Variants in DLC1 observed in about 807,000 individuals in gnomAD.
The protein encoded by DLC1 is DLC1 Rho GTPase activating protein.
DLC1 carries 54 observed loss-of-function variants against 140.3 expected under a neutral mutation model. The ratio of observed to expected loss-of-function variants is 0.38; its 90% CI spans 0.31 to 0.48. The LOEUF (loss-of-function observed/expected upper bound fraction) is 0.48. Ranked by LOEUF, DLC1 falls within the 20% of genes least tolerant of loss-of-function variation. DLC1 has a pLI of 0.96. For missense variants in DLC1, 2,536 were observed against 1,907.0 expected, an observed-to-expected ratio of 1.33 and a Z score of -6.14; for synonymous variants, 986 against 728.1, an observed-to-expected ratio of 1.35 and a Z score of -5.70.
chr8:13,110,220 C>T (rs996163371), intron 7 of DLC1, among the ~76,000 whole-genome samples: 12 of 152,068 alleles, frequency 7.9e-5, no homozygotes, highest in South Asian at 2.1e-4. Flanking sequence ...GAATTTCTGA[C>T]GGTTTTATTC....
At position 13,497,436 on chromosome 8, in the gene DLC1, C is replaced by T. The variant is rs568114128; in HGVS notation, c.1023+1613G>A. Among the ~76,000 whole-genome samples, 4 of 152,208 alleles carry T rather than the reference C, an allele frequency of 2.6e-5. No individual in the cohort carries two copies. In the South Asian group the frequency reaches 8.3e-4, roughly 32 times the overall value. ...GAGTTAAAGTAAATATTCCATCAGG[C>T]AATGTCACAACACTTTAGAATGACA... On this transcript the variant is annotated intron_variant, in intron 2 of 17. Coordinates refer to ENST00000276297, the MANE Select transcript of DLC1 (RefSeq NM_182643.3).
At chr8:13,242,014 A>G (rs1352008252) in intron 5 of DLC1, among the ~76,000 whole-genome samples, 1 of 152,186 alleles carries the variant, frequency 6.6e-6, no homozygotes, top group Non-Finnish European at 1.5e-5. Flanking sequence ...TCCATGGATT[A>G]GGATTATCTA....
intron 4 of DLC1, among the ~76,000 whole-genome samples, chr8:13,332,679 C>T (rs539367220): frequency 9.2e-5 from 14 of 152,190 alleles, no homozygotes; most frequent in African/African-American, 2.4e-4. Flanking sequence ...GTGAAACGCC[C>T]GACTTGGCCT....
At chr8:13,109,270 T>C (rs995555108) in intron 7 of DLC1, among the ~76,000 whole-genome samples, 6 of 151,876 alleles carry the variant, frequency 4.0e-5, no homozygotes, top group African/African-American at 1.5e-4. Context: ...TTGAAAAAAA[T>C]ACTGAGATGG....
At chr8:13,431,556 G>A (rs1298961823) in intron 2 of DLC1, among the ~76,000 whole-genome samples, 1 of 132,614 alleles carries the variant, frequency 7.5e-6, no homozygotes. Flanking sequence ...TGTCTCTCTT[G>A]TCTCTACCTG....
intron 2 of DLC1, among the ~76,000 whole-genome samples, chr8:13,448,395 G>T (rs868185665): frequency 1.2e-4 from 17 of 145,880 alleles, no homozygotes; most frequent in African/African-American, 4.4e-4. Context: ...ACAGGGTCTC[G>T]CTCTGTCACC....
At chr8:13,435,859 A>G (rs996126385) in intron 2 of DLC1, among the ~76,000 whole-genome samples, 2 of 152,240 alleles carry the variant, frequency 1.3e-5, no homozygotes, top group Non-Finnish European at 2.9e-5. Context: ...CTATCAATGC[A>G]GCAAACTTTA....
At chr8:13,110,720 C>T in intron 7 of DLC1, 22 bp downstream of exon 7, 2 of 1,603,976 alleles carry the variant, frequency 1.2e-6, no homozygotes, top group Non-Finnish European at 8.5e-7. Flanking sequence ...AAAAGGAAAA[C>T]ACTCAAAACG....
intron 1 of DLC1, among the ~76,000 whole-genome samples, chr8:13,524,983 C>T (rs1242927736): frequency 1.3e-5 from 2 of 152,064 alleles, no homozygotes; most frequent in Non-Finnish European, 2.9e-5. Context: ...TTTGCCATCT[C>T]TCCCTCTTGC....
At chr8:13,345,934 C>G (rs1834314990) in intron 4 of DLC1, among the ~76,000 whole-genome samples, 4 of 152,036 alleles carry the variant, frequency 2.6e-5, no homozygotes, top group Admixed American at 1.3e-4. Flanking sequence ...GGCTCATAAA[C>G]CTTTGGTAGT....
intron 5 of DLC1, among the ~76,000 whole-genome samples, chr8:13,219,516 A>G (rs191959779): frequency 6.7e-6 from 1 of 149,606 alleles, no homozygotes; most frequent in African/African-American, 2.4e-5. Flanking sequence ...AAACTGCCAA[A>G]TTATCTTAAA....
intron 5 of DLC1, among the ~76,000 whole-genome samples, chr8:13,258,490 C>T (rs576786397): frequency 1.3e-5 from 2 of 152,242 alleles, no homozygotes; most frequent in Admixed American, 6.5e-5. Flanking sequence ...TCACTTAAAC[C>T]CTCTAAGGTT....
intron 1 of DLC1, among the ~76,000 whole-genome samples, chr8:13,582,043 A>G (rs1334633565): frequency 6.6e-6 from 1 of 152,102 alleles, no homozygotes; most frequent in Non-Finnish European, 1.5e-5. Context: ...TCTGCAAGAG[A>G]AGGGATTGGA....
intron 1 of DLC1, chr8:13,566,942 C>A (rs1233196168): frequency 6.8e-7 from 1 of 1,477,480 alleles, no homozygotes; most frequent in South Asian, 1.4e-5. Flanking sequence ...GTTCCTGAGC[C>A]AGTCTTAACC....
intron 1 of DLC1, among the ~76,000 whole-genome samples, chr8:13,552,226 G>T (rs926941383): frequency 5.4e-4 from 73 of 135,846 alleles, no homozygotes; most frequent in African/African-American, 1.8e-3. Flanking sequence ...TGTCTAGACA[G>T]ATATATATAT....
At chr8:13,585,112 CA>C (rs1453498762) in intron 1 of DLC1, among the ~76,000 whole-genome samples, 1 of 152,108 alleles carries the variant, frequency 6.6e-6, no homozygotes, top group Non-Finnish European at 1.5e-5. Context: ...TCTTAGATCA[CA>C]AAAAATTTTT....
At chr8:13,376,039 C>G (rs1379132578) in intron 4 of DLC1, among the ~76,000 whole-genome samples, 1 of 152,088 alleles carries the variant, frequency 6.6e-6, no homozygotes, top group African/African-American at 2.4e-5. Context: ...TCATGTTGCT[C>G]CAATTACTTT....
In DLC1 at chr8:13,186,547, G is replaced by A. The variant is rs142533628; in HGVS notation, c.1349-70890C>T. Among the ~76,000 whole-genome samples the A allele has an allele frequency of 4.9e-3, 748 of 152,180 alleles. 10 individuals are homozygous for A. Among genetic ancestry groups the A allele is most frequent in the African/African-American group, 0.017 (715 of 41,520 alleles). On this transcript the variant is annotated intron_variant, in intron 5 of 17. Coordinates refer to ENST00000276297, the MANE Select transcript of DLC1 (RefSeq NM_182643.3). ...CACTGTTTATTCTAGGTAGCCATTC[G>A]TCTAATCTTTTTTCAAGGATTTTAG...
chr8:13,560,984 T>TA (rs531083653), intron 1 of DLC1, among the ~76,000 whole-genome samples: 3 of 152,200 alleles, frequency 2.0e-5, no homozygotes, highest in African/African-American at 4.8e-5. Context: ...ATTTTTTAAT[T>TA]AAAAAAATTG....
Sources: allele counts gnomAD v4.1 joint callset (sites outside exome capture counted in the v4.1 genomes callset), GRCh38; gene constraint gnomAD v4.1.1; transcripts MANE v1.5; gene names NCBI Gene and HGNC (gene_info 2026-07-23, HGNC 2026-07-21).